Variants in EIPR1 observed in about 807,000 individuals in gnomAD.
The protein encoded by EIPR1 is EARP and GARP complex-interacting protein 1.
In EIPR1, 25 loss-of-function variants were observed where a neutral mutation model predicts 48.1. The ratio of observed to expected loss-of-function variants is 0.52; its 90% CI spans 0.38 to 0.73. EIPR1 has a LOEUF of 0.73. Among genes scored for constraint, EIPR1 ranks in the 30% least tolerant of loss-of-function variants. The pLI is 0.00. For missense variants in EIPR1, 415 were observed against 506.2 expected (o/e 0.82, Z 1.73); for synonymous variants, 204 against 201.9 (o/e 1.01, Z -0.09).
At chr2:3,301,193 C>T (rs1029120974) in intron 3 of EIPR1, 6 of 152,146 alleles carry the variant, frequency 3.9e-5, no homozygotes, top group African/African-American at 7.2e-5. Context: ...CATGAGATTC[C>T]GCAATGAGCC....
chr2:3,303,733 A>G (rs1414507914), intron 3 of EIPR1, among the ~76,000 whole-genome samples: 1 of 152,204 alleles, frequency 6.6e-6, no homozygotes, highest in Non-Finnish European at 1.5e-5. Flanking sequence ...CACCGTGAAC[A>G]CAATAGACGA....
At chr2:3,318,661 T>C (rs1263787135) in intron 3 of EIPR1, among the ~76,000 whole-genome samples, 2 of 152,238 alleles carry the variant, frequency 1.3e-5, no homozygotes, top group Non-Finnish European at 2.9e-5. Flanking sequence ...CCCCTTGCTA[T>C]TCACGTCCTT....
rs540051941 is a variant in EIPR1, at chr2:3,351,319, T to C, written c.126+3231A>G. On this transcript the variant is annotated intron_variant, in intron 2 of 8. Transcript: ENST00000382125. ...CCTGGCCTCTTCTTATTTCTTCTAT[T>C]TTGATAACTTTGGTACCAATGGTTC... 2.0e-5 allele frequency among the ~76,000 whole-genome samples: 3 copies of C among 152,326 alleles called. No homozygotes were observed. In the South Asian group the frequency reaches 6.2e-4, roughly 32 times the overall value.
At chr2:3,245,276 G>A (rs766826115) in intron 4 of EIPR1, among the ~76,000 whole-genome samples, 10 of 152,130 alleles carry the variant, frequency 6.6e-5, no homozygotes, top group South Asian at 2.1e-4. Context: ...GCAGTGGAGC[G>A]ATCTGGGATC....
intron 3 of EIPR1, chr2:3,319,567 T>C (rs1211546455): frequency 6.2e-6 from 1 of 161,008 alleles, no homozygotes; most frequent in Non-Finnish European, 1.4e-5. Flanking sequence ...GGGCCCAAGC[T>C]CCAGTCTTCT....
chr2:3,307,648 T>C (rs116759603), intron 3 of EIPR1, among the ~76,000 whole-genome samples: 2,166 of 152,308 alleles, frequency 0.014, 63 homozygotes, highest in African/African-American at 0.049. Context: ...TAAAACGCAC[T>C]TCTCCTGGAG....
chr2:3,215,384 A>G (rs1165996456), intron 4 of EIPR1, among the ~76,000 whole-genome samples: 1 of 152,232 alleles, frequency 6.6e-6, no homozygotes, highest in Non-Finnish European at 1.5e-5. Context: ...GCCACCGGCC[A>G]CACCAGGCTC....
intron 4 of EIPR1, among the ~76,000 whole-genome samples, chr2:3,222,618 T>C (rs1665932556): frequency 1.3e-5 from 2 of 152,338 alleles, no homozygotes; most frequent in East Asian, 3.9e-4. Context: ...AAGGCTGTGA[T>C]GAAGTCTGCA....
At chr2:3,229,651 G>A (rs961906611) in intron 4 of EIPR1, among the ~76,000 whole-genome samples, 2 of 152,196 alleles carry the variant, frequency 1.3e-5, no homozygotes, top group African/African-American at 2.4e-5. Flanking sequence ...TTCATAAGCA[G>A]TATTCCATTA....
chr2:3,369,789 G>C (rs968005682), intron 1 of EIPR1, among the ~76,000 whole-genome samples: 2 of 152,206 alleles, frequency 1.3e-5, no homozygotes, highest in Non-Finnish European at 2.9e-5. Context: ...GCCTCTGTAG[G>C]CTCCACCTCT....
chr2:3,350,281 T>C (rs974953481), intron 2 of EIPR1, among the ~76,000 whole-genome samples: 5 of 152,020 alleles, frequency 3.3e-5, no homozygotes, highest in Non-Finnish European at 7.4e-5. Context: ...AGCAGGCACA[T>C]CTTCACATGG....
Position 3,198,561 on chromosome 2 carries a change from C to T in EIPR1, c.517-1544G>A, listed in dbSNP as rs534374866. On this transcript the variant is annotated intron_variant, in intron 5 of 8. Transcript: ENST00000382125. Reference sequence around the variant, plus strand: ...GGGGAACCCACCCCCGATAATTCAACGTAGGTTCTTTTCTATTTTCCCTGT... The same window carrying T: ...GGGGAACCCACCCCCGATAATTCAATGTAGGTTCTTTTCTATTTTCCCTGT... 4.6e-5 allele frequency among the ~76,000 whole-genome samples: 7 copies of T among 152,216 alleles called. No homozygotes were observed. The South Asian group carries it at 8.3e-4, about 18-fold the overall frequency.
intron 4 of EIPR1, among the ~76,000 whole-genome samples, chr2:3,251,795 T>A (rs1667006963): frequency 6.6e-6 from 1 of 152,244 alleles, no homozygotes; most frequent in Admixed American, 6.5e-5. Flanking sequence ...CTTACTGTCA[T>A]GAAGATACAT....
intron 3 of EIPR1, among the ~76,000 whole-genome samples, chr2:3,327,461 G>T (rs1669732534): frequency 6.6e-6 from 1 of 152,196 alleles, no homozygotes; most frequent in Non-Finnish European, 1.5e-5. Flanking sequence ...TGGGATAACA[G>T]GTGTGAGTCA....
intron 4 of EIPR1, among the ~76,000 whole-genome samples, chr2:3,232,161 T>G (rs1666262937): frequency 3.9e-5 from 6 of 152,188 alleles, no homozygotes. Context: ...TGTGGAACCA[T>G]TTATATTGTC....
At chr2:3,349,617 G>A (rs1051396000) in intron 2 of EIPR1, among the ~76,000 whole-genome samples, 41 of 149,418 alleles carry the variant, frequency 2.7e-4, no homozygotes, top group African/African-American at 5.9e-4. Context: ...GGAGGACGCC[G>A]GGAGACAGGG....
At chr2:3,205,054 AAC>A (rs1665182120) in intron 5 of EIPR1, among the ~76,000 whole-genome samples, 3 of 152,206 alleles carry the variant, frequency 2.0e-5, no homozygotes, top group Admixed American at 2.0e-4. Flanking sequence ...TTGGACAGAG[AAC>A]AGCAGGGTGA....
At chr2:3,291,206 A>G (rs1344752425) in intron 3 of EIPR1, among the ~76,000 whole-genome samples, 1 of 152,194 alleles carries the variant, frequency 6.6e-6, no homozygotes, top group Non-Finnish European at 1.5e-5. Context: ...CACAACACAC[A>G]CAACTGGAGA....
chr2:3,248,659 AG>A (rs2103203639), intron 4 of EIPR1, among the ~76,000 whole-genome samples: 1 of 152,276 alleles, frequency 6.6e-6, no homozygotes, highest in Non-Finnish European at 1.5e-5. Context: ...CCAGCTACTC[AG>A]GGGGCTGAGG....
Sources: gnomAD v4.1 joint callset for allele counts (sites outside exome capture counted in the v4.1 genomes callset) on GRCh38, gnomAD v4.1.1 for gene constraint, MANE v1.5 for transcripts, NCBI Gene and HGNC (gene_info 2026-07-23, HGNC 2026-07-21) for gene names.